GLDN: variants seen among roughly 807,000 people sequenced by gnomAD.
GLDN encodes the protein collomin.
In GLDN, 47 loss-of-function variants were observed where a neutral mutation model predicts 56.5. The ratio of observed to expected loss-of-function variants is 0.83; its 90% CI spans 0.66 to 1.06. GLDN has a LOEUF of 1.06. Among genes scored for constraint, GLDN ranks in the 50% least tolerant of loss-of-function variants. GLDN has a pLI of 0.00. For missense variants in GLDN, 782 were observed against 714.3 expected, an observed-to-expected ratio of 1.09 and a Z score of -1.08; for synonymous variants, 332 against 278.8, an observed-to-expected ratio of 1.19 and a Z score of -1.90.
At chr15:51,391,982 T>A (rs1253365462) in intron 4 of GLDN, among the ~76,000 whole-genome samples, 1 of 152,250 alleles carries the variant, frequency 6.6e-6, no homozygotes, top group Non-Finnish European at 1.5e-5. Context: ...TCTAGCAAAT[T>A]GTTTTTGTTC....
At chr15:51,382,563 TA>T (rs577601237) in intron 2 of GLDN, among the ~76,000 whole-genome samples, 15,470 of 141,364 alleles carry the variant, frequency 0.11, 1,562 homozygotes, top group African/African-American at 0.27. Flanking sequence ...TAAAAATACA[TA>T]AAAAAAAAAA....
intron 1 of GLDN, among the ~76,000 whole-genome samples, chr15:51,360,917 G>A (rs555568831): frequency 6.6e-6 from 1 of 152,364 alleles, no homozygotes; most frequent in South Asian, 2.1e-4. Flanking sequence ...TACAAGGGAT[G>A]CCACAGGGCA....
intron 1 of GLDN, among the ~76,000 whole-genome samples, chr15:51,357,607 C>T (rs1002465319): frequency 1.3e-5 from 2 of 152,182 alleles, no homozygotes; most frequent in African/African-American, 4.8e-5. Flanking sequence ...GGAACCAGTT[C>T]CACCTTTTTC....
intron 2 of GLDN, 65 bp from the exon 3 acceptor site, chr15:51,383,371 C>A: frequency 1.3e-6 from 2 of 1,544,436 alleles, no homozygotes; most frequent in African/African-American, 1.4e-5. Context: ...ATTTGAAGGT[C>A]GGGGGTGCTC....
downstream of GLDN, among the ~76,000 whole-genome samples, chr15:51,412,232 C>A (rs191857183): frequency 5.8e-4 from 89 of 152,354 alleles, no homozygotes; most frequent in Non-Finnish European, 1.1e-3. Flanking sequence ...CAAATTCAGG[C>A]AGTCTGACAC....
chr15:51,393,714 C>A (rs570465885), intron 4 of GLDN, among the ~76,000 whole-genome samples: 2 of 152,222 alleles, frequency 1.3e-5, no homozygotes, highest in Non-Finnish European at 1.5e-5. Context: ...TGAGATCCTT[C>A]TCCCTGTGCC....
Position 51,394,709 on chromosome 15 carries a change from T to C in GLDN, c.542-126T>C, listed in dbSNP as rs1342819224. ...TGGTCACACTGCTGCTCTAAAATGGTTATGAAATGCTGTGTGTTTGGTATA... is the reference window on the plus strand; with the variant it reads ...TGGTCACACTGCTGCTCTAAAATGGCTATGAAATGCTGTGTGTTTGGTATA... On this transcript the variant is annotated intron_variant, in intron 4 of 9. Coordinates refer to ENST00000335449, the MANE Select transcript of GLDN (RefSeq NM_181789.4). 55 of 845,622 alleles carry C rather than the reference T, an allele frequency of 6.5e-5. No homozygotes were observed. The East Asian group carries it at 1.5e-3, about 23-fold the overall frequency. The allele number at this position is 845,622 out of a possible 1,614,324, so 52.4% of individuals were successfully genotyped here.
intron 6 of GLDN, among the ~76,000 whole-genome samples, chr15:51,399,010 A>C (rs905247673): frequency 1.2e-4 from 18 of 152,170 alleles, no homozygotes; most frequent in African/African-American, 4.3e-4. Flanking sequence ...ATTATCTTCC[A>C]TTCTGCCTCC....
downstream of GLDN, among the ~76,000 whole-genome samples, chr15:51,411,206 C>A (rs555455134): frequency 1.3e-5 from 2 of 152,190 alleles, no homozygotes; most frequent in African/African-American, 2.4e-5. Flanking sequence ...AGCTAAGGGC[C>A]TCCTAACCCG....
At chr15:51,384,340 T>G in intron 4 of GLDN, 1 of 219,020 alleles carries the variant, frequency 4.6e-6, no homozygotes, top group Non-Finnish European at 8.9e-6. Context: ...ATTTCTTGGC[T>G]AGAGGAATAG....
intron 1 of GLDN, among the ~76,000 whole-genome samples, chr15:51,353,892 G>A (rs2037126101): frequency 6.6e-6 from 1 of 152,076 alleles, no homozygotes; most frequent in African/African-American, 2.4e-5. Context: ...ACAGACTAAA[G>A]GTCATGTTGT....
chr15:51,356,723 T>TGGCGA (rs945113137), intron 1 of GLDN, among the ~76,000 whole-genome samples: 3 of 152,288 alleles, frequency 2.0e-5, no homozygotes, highest in Admixed American at 2.0e-4. Context: ...TTTAAAAAGG[T>TGGCGA]GGCGATAGCA....
intron 4 of GLDN, among the ~76,000 whole-genome samples, chr15:51,389,117 A>G (rs2037962502): frequency 6.6e-6 from 1 of 152,118 alleles, no homozygotes; most frequent in Admixed American, 6.5e-5. Context: ...TGGGCAAGTC[A>G]CTCCAAGATG....
intron 4 of GLDN, among the ~76,000 whole-genome samples, chr15:51,387,503 G>T (rs1345520036): frequency 6.6e-6 from 1 of 152,164 alleles, no homozygotes; most frequent in Non-Finnish European, 1.5e-5. Flanking sequence ...AGCCAGGCGA[G>T]GTTGGAGGCT....
chr15:51,361,845 G>T (rs57046498), intron 1 of GLDN, among the ~76,000 whole-genome samples: 18,930 of 152,036 alleles, frequency 0.12, 1,517 homozygotes, highest in East Asian at 0.43. Flanking sequence ...TAGGAGATTT[G>T]CTTGAACCCC....
At position 51,405,796 on chromosome 15, in the gene GLDN, A is replaced by G. The variant is rs1269485355; in HGVS notation, c.*1042A>G. 2 of 152,230 alleles carry G rather than the reference A, an allele frequency of 1.3e-5. No homozygotes were observed. Among genetic ancestry groups the G allele is most frequent in the East Asian group, 3.8e-4 (2 of 5,198 alleles). 9.4% of individuals were successfully genotyped at this position (152,230 alleles called of 1,614,324 possible). A position where few individuals can be genotyped will look rare whatever the true frequency, so the allele number is the denominator to read the frequency against. On this transcript the variant is annotated 3_prime_UTR_variant, in exon 10 of 10. Coordinates refer to ENST00000335449, the MANE Select transcript of GLDN (RefSeq NM_181789.4). ...TGGCTATTATGTAGAACTGGGCCAGAGCCAGTCCATTGCCTGTTTTTTTAA... is the reference window on the plus strand; with the variant it reads ...TGGCTATTATGTAGAACTGGGCCAGGGCCAGTCCATTGCCTGTTTTTTTAA...
chr15:51,377,140 G>A lies in GLDN; in HGVS notation c.364-309G>A. 1.2e-5 allele frequency: 5 copies of A among 402,890 alleles called. No individual in the cohort carries two copies. The South Asian group carries it at 1.7e-4, about 14-fold the overall frequency. The allele number at this position is 402,890 out of a possible 1,614,324, so 25.0% of individuals were successfully genotyped here. On this transcript the variant is annotated intron_variant, in intron 1 of 9. Coordinates refer to ENST00000335449, the MANE Select transcript of GLDN (RefSeq NM_181789.4). ...CGTGCTATGCTTTTTACAATCTGCA[G>A]TGTGGTAGGTTTGTTTATACCAGCA...
chr15:51,380,691 C>T (rs552558702), intron 2 of GLDN, among the ~76,000 whole-genome samples: 1 of 152,330 alleles, frequency 6.6e-6, no homozygotes, highest in Admixed American at 6.5e-5. Context: ...GGATTTCCTC[C>T]TCCAAGTGTC....
chr15:51,355,764 CT>C (rs1291577410), intron 1 of GLDN, among the ~76,000 whole-genome samples: 1 of 149,710 alleles, frequency 6.7e-6, no homozygotes, highest in African/African-American at 2.4e-5. Flanking sequence ...ACTTTGTGAT[CT>C]GCCCACCTTG....
Sources: allele counts gnomAD v4.1 joint callset (sites outside exome capture counted in the v4.1 genomes callset), GRCh38; gene constraint gnomAD v4.1.1; transcripts MANE v1.5; gene names NCBI Gene and HGNC (gene_info 2026-07-23, HGNC 2026-07-21).